ATP2A1: variants seen among roughly 807,000 people sequenced by gnomAD.
ATP2A1 encodes the protein sarcoplasmic/endoplasmic reticulum calcium ATPase 1.
A neutral mutation model predicts 109.5 loss-of-function variants in ATP2A1; 83 were observed. The observed-to-expected ratio is 0.76, with a 90% CI of 0.63 to 0.91. The LOEUF (loss-of-function observed/expected upper bound fraction) is 0.91, where lower values mean the gene tolerates loss of function less well. Among genes scored for constraint, ATP2A1 ranks in the 40% least tolerant of loss-of-function variants. The probability of loss-of-function intolerance (pLI) is 0.00; values close to 1 mark genes in which losing one functional copy is unlikely to be tolerated. For missense variants in ATP2A1, 1,101 were observed against 1,341.0 expected (o/e 0.82, Z 2.80); for synonymous variants, 505 against 537.6 (o/e 0.94, Z 0.84).
At chr16:28,894,093 C>G in intron 9 of ATP2A1, 62 bp from the exon 10 acceptor site, 2 of 1,459,406 alleles carry the variant, frequency 1.4e-6, no homozygotes, top group East Asian at 4.6e-5. Flanking sequence ...TCCCTTGATG[C>G]AGGTGCCCAC....
intron 9 of ATP2A1, chr16:28,892,396 T>TG (rs1281266198): frequency 1.1e-5 from 4 of 379,906 alleles, no homozygotes; most frequent in Admixed American, 2.9e-5. Context: ...TAGAAATTGC[T>TG]GTTCTGAGAA....
intron 14 of ATP2A1, among the ~76,000 whole-genome samples, chr16:28,900,174 G>A (rs963965830): frequency 1.3e-5 from 2 of 151,656 alleles, no homozygotes; most frequent in African/African-American, 4.8e-5. Flanking sequence ...GTTGGTGCAT[G>A]CCTGTAGTCC....
At chr16:28,885,516 G>T (rs1016266235) in intron 6 of ATP2A1, among the ~76,000 whole-genome samples, 5 of 151,812 alleles carry the variant, frequency 3.3e-5, no homozygotes, top group Non-Finnish European at 7.4e-5. Flanking sequence ...GCTAATTTTT[G>T]TATTTTTAGT....
Position 28,879,489 on chromosome 16 carries a change from C to T in ATP2A1, c.137-12C>T, listed in dbSNP as rs1963387429. On this transcript the variant is annotated splice_polypyrimidine_tract_variant and intron_variant, in intron 2 of 22. Coordinates refer to ENST00000395503, the MANE Select transcript of ATP2A1 (RefSeq NM_004320.6). ...CCTTAACCCGGGGCCCTCCCCTTGC[C>T]TCCTCCCCCAGGGAAGACCCTGTGG... 2 of 1,613,582 alleles carry T rather than the reference C, an allele frequency of 1.2e-6. No homozygotes were observed. Among genetic ancestry groups the T allele is most frequent in the Non-Finnish European group, 1.7e-6 (2 of 1,179,636 alleles).
intron 5 of ATP2A1, among the ~76,000 whole-genome samples, chr16:28,884,146 CT>C (rs1364045773): frequency 6.6e-6 from 1 of 152,154 alleles, no homozygotes; most frequent in East Asian, 1.9e-4. Flanking sequence ...GCCTTTCCTC[CT>C]TGCCTTTCTC....
chr16:28,902,918 G>A lies in ATP2A1; in HGVS notation c.2744+7G>A, dbSNP rs765995924. 1.2e-6 allele frequency: 2 copies of A among 1,613,616 alleles called. No homozygotes were observed. Among genetic ancestry groups the A allele is most frequent in the South Asian group, 2.2e-5 (2 of 91,072 alleles). On this transcript the variant is annotated splice_region_variant and intron_variant, in intron 19 of 22. Coordinates refer to ENST00000395503, the MANE Select transcript of ATP2A1 (RefSeq NM_004320.6). This position sits in a 1 kb window ranked among gnomAD's most constrained non-coding sequence, Gnocchi z 4.8. ...TGTGCAATGCACTGAACAGGTGGGG[G>A]CCCCCCAGCTACACCCACCACCCTC...
In ATP2A1 at chr16:28,902,151, C is replaced by A. The variant is rs1964095029; in HGVS notation, c.2322-33C>A. The A allele has an allele frequency of 1.9e-6, 3 of 1,613,864 alleles. No homozygotes were observed. Among genetic ancestry groups the A allele is most frequent in the Non-Finnish European group, 2.5e-6 (3 of 1,179,750 alleles). On this transcript the variant is annotated intron_variant, in intron 16 of 22. Coordinates refer to ENST00000395503, the MANE Select transcript of ATP2A1 (RefSeq NM_004320.6). This position sits in a 1 kb window ranked among gnomAD's most constrained non-coding sequence, Gnocchi z 4.8. Reference sequence around the variant, plus strand: ...GTGGGGTGGCTGCAGGTCTGGGAGGCAGGACAGAGGTGTGACCACCTCCTT... The same window carrying A: ...GTGGGGTGGCTGCAGGTCTGGGAGGAAGGACAGAGGTGTGACCACCTCCTT...
rs188630014 is a variant in ATP2A1, at chr16:28,898,603, G to A, written c.1764+152G>A. On this transcript the variant is annotated intron_variant, in intron 14 of 22. Coordinates refer to ENST00000395503, the MANE Select transcript of ATP2A1 (RefSeq NM_004320.6). The surrounding 1 kb of genome is among the most constrained non-coding windows in gnomAD (Gnocchi z 4.0). ...GGCCATGGAATCACAGGACAGTAGA[G>A]TTTCAGAGAACCTTGGGAGGCCGGG... The A allele has an allele frequency of 4.8e-3, 4,663 of 969,386 alleles. 20 individuals carry two copies. The highest frequency in any genetic ancestry group is 4.8e-3 in the Non-Finnish European group (3,100 of 648,014). The allele number at this position is 969,386 out of a possible 1,614,324, so 60.0% of individuals were successfully genotyped here. A position where few individuals can be genotyped will look rare whatever the true frequency, so the allele number is the denominator to read the frequency against.
At chr16:28,892,315 G>C (rs140031682) in intron 9 of ATP2A1, 7 of 328,152 alleles carry the variant, frequency 2.1e-5, no homozygotes, top group Non-Finnish European at 3.8e-5. Context: ...CTCCTTGCAG[G>C]GTCTTCCACT....
intron 6 of ATP2A1, among the ~76,000 whole-genome samples, chr16:28,886,138 C>T (rs1196336792): frequency 2.0e-5 from 3 of 151,974 alleles, no homozygotes; most frequent in African/African-American, 7.3e-5. Context: ...CACGGCAGTC[C>T]AGCATGGACA....
chr16:28,879,294 T>C (rs1299733882), intron 2 of ATP2A1, 178 bp downstream of exon 2: 15 of 923,614 alleles, frequency 1.6e-5, no homozygotes, highest in Non-Finnish European at 2.2e-5. Context: ...CGCTTTCTCC[T>C]TGAAGCAGCC....
At chr16:28,882,966 C>A (rs1445131659) in intron 5 of ATP2A1, among the ~76,000 whole-genome samples, 1 of 152,224 alleles carries the variant, frequency 6.6e-6, no homozygotes, top group Non-Finnish European at 1.5e-5. Context: ...CAGTCTTGAC[C>A]TCTCTGTGCC....
chr16:28,890,147 A>G (rs141268946), intron 9 of ATP2A1, among the ~76,000 whole-genome samples: 198 of 152,162 alleles, frequency 1.3e-3, no homozygotes, highest in Non-Finnish European at 2.2e-3. Flanking sequence ...CTTAAATAAT[A>G]AAATGAAATG....
rs1283916268 is a variant in ATP2A1 at position 28,878,807 on chromosome 16, G to A, written c.118+18G>A. 1.2e-6 allele frequency: 2 copies of A among 1,612,172 alleles called. No individual in the cohort carries two copies. Among genetic ancestry groups the A allele is most frequent in the East Asian group, 2.2e-5 (1 of 44,880 alleles). On this transcript the variant is annotated intron_variant, in intron 1 of 22. Coordinates refer to ENST00000395503, the MANE Select transcript of ATP2A1 (RefSeq NM_004320.6). ...CCTCAATGGTAAGTGTCCCTTGGAA[G>A]AGCGGCTGGTAATTAATGCCCTCCT...
intron 6 of ATP2A1, among the ~76,000 whole-genome samples, chr16:28,885,992 C>A (rs1963605195): frequency 6.6e-6 from 1 of 151,768 alleles, no homozygotes. Context: ...ACAGCGAGAC[C>A]CCATCTCTAT....
Position 28,880,457 on chromosome 16 carries a change from C to T in ATP2A1, c.220-458C>T, listed in dbSNP as rs376893735. ...GGGGCGGGGCGCGCGCAGGAGGCCC[C>T]GTAACCCTATCCCCGCTCCGGCTCC... is the stretch of plus-strand genomic sequence containing the variant. On this transcript the variant is annotated intron_variant, in intron 3 of 22. Coordinates refer to ENST00000395503, the MANE Select transcript of ATP2A1 (RefSeq NM_004320.6). The surrounding 1 kb of genome is among the most constrained non-coding windows in gnomAD (Gnocchi z 4.2). 2.2e-4 allele frequency among the ~76,000 whole-genome samples: 33 copies of T among 152,356 alleles called. No individual in the cohort carries two copies. In the East Asian group the frequency reaches 6.0e-3, roughly 28 times the overall value.
At chr16:28,897,322 T>C (rs981071149) in intron 12 of ATP2A1, among the ~76,000 whole-genome samples, 1 of 151,952 alleles carries the variant, frequency 6.6e-6, no homozygotes, top group African/African-American at 2.4e-5. Context: ...AGGGAGACTC[T>C]ATCTCTAAAA....
chr16:28,879,860 T>G, intron 3 of ATP2A1: 1 of 559,668 alleles, frequency 1.8e-6, no homozygotes. Flanking sequence ...GAGCTCGGGT[T>G]ACCCACCCGA....
Position 28,903,290 on chromosome 16 carries a change from C to A in ATP2A1, c.2863-33C>A. Reference sequence around the variant, plus strand: ...GCTGGTCTCTGGCTCCCTCCCCACCCCCTCCTGAGAGGGCGCTTGTCCCCT... The same window carrying A: ...GCTGGTCTCTGGCTCCCTCCCCACCACCTCCTGAGAGGGCGCTTGTCCCCT... On this transcript the variant is annotated intron_variant, in intron 20 of 22. Transcript: ENST00000395503. This position sits in a 1 kb window ranked among gnomAD's most constrained non-coding sequence, Gnocchi z 5.6. 1 of 1,594,136 alleles carries A rather than the reference C, an allele frequency of 6.3e-7. No individual in the cohort carries two copies. Among genetic ancestry groups the A allele is most frequent in the Admixed American group, 1.7e-5 (1 of 60,006 alleles).
Sources: allele counts gnomAD v4.1 joint callset (sites outside exome capture counted in the v4.1 genomes callset), GRCh38; gene constraint gnomAD v4.1.1; non-coding constraint Gnocchi (gnomAD v3.1); transcripts MANE v1.5; gene names NCBI Gene and HGNC (gene_info 2026-07-23, HGNC 2026-07-21).